GNA14: variants seen among roughly 807,000 people sequenced by gnomAD.
GNA14 encodes G protein subunit alpha 14, also known as guanine nucleotide-binding protein subunit alpha-14.
In GNA14, 50 loss-of-function variants were observed where a neutral mutation model predicts 42.0. That is an observed-to-expected ratio of 1.19 (90% CI 0.95 to 1.51). The LOEUF is 1.51. Ranked by LOEUF, GNA14 falls within the 40% of genes most tolerant of loss-of-function variation. GNA14 has a pLI of 0.00. For synonymous variants in GNA14, 173 were observed against 163.1 expected (o/e 1.06, Z -0.46); for missense variants, 473 against 446.2 (o/e 1.06, Z -0.54).
At chr9:77,642,096 A>C (rs2118037046) in intron 1 of GNA14, among the ~76,000 whole-genome samples, 1 of 152,366 alleles carries the variant, frequency 6.6e-6, no homozygotes, top group Admixed American at 6.5e-5. Flanking sequence ...GGATGATGGA[A>C]GTGTTTATAG....
chr9:77,460,355 C>G (rs534843810), intron 2 of GNA14, among the ~76,000 whole-genome samples: 1 of 152,354 alleles, frequency 6.6e-6, no homozygotes, highest in South Asian at 2.1e-4. Flanking sequence ...CGGCCACCAG[C>G]AGCAGCTGGG....
At chr9:77,635,908 T>A (rs1824177469) in intron 1 of GNA14, among the ~76,000 whole-genome samples, 2 of 152,222 alleles carry the variant, frequency 1.3e-5, no homozygotes, top group African/African-American at 4.8e-5. Flanking sequence ...TCTCAAACAC[T>A]GTAGGAAGGA....
chr9:77,478,074 T>C (rs1026522295), intron 2 of GNA14, among the ~76,000 whole-genome samples: 1 of 151,672 alleles, frequency 6.6e-6, no homozygotes, highest in Non-Finnish European at 1.5e-5. Flanking sequence ...ATATGCATAA[T>C]GTGCAGGGTT....
rs1335752601 is a variant in GNA14 at position 77,434,537 on chromosome 9, G to A, written c.310-15C>T. ...TGGGCATTTTCCTACTCAAAGGAAA[G>A]AGAACCTTGCATCAGGCAAAGGAAA... is the stretch of plus-strand genomic sequence containing the variant. On this transcript the variant is annotated splice_polypyrimidine_tract_variant and intron_variant, in intron 2 of 6. Transcript: ENST00000341700. The A allele has an allele frequency of 1.9e-6, 3 of 1,609,652 alleles. No homozygotes were observed. The highest frequency in any genetic ancestry group is 1.7e-5 in the Admixed American group (1 of 59,508).
chr9:77,599,194 T>A (rs2117909839), intron 1 of GNA14, among the ~76,000 whole-genome samples: 1 of 152,294 alleles, frequency 6.6e-6, no homozygotes. Context: ...AGATGTAAAG[T>A]AAGGAAACAG....
At chr9:77,516,753 A>C in intron 2 of GNA14, among the ~76,000 whole-genome samples, 1 of 152,142 alleles carries the variant, frequency 6.6e-6, no homozygotes. Flanking sequence ...GGGCAGGGGA[A>C]TGTAACACAG....
At chr9:77,508,875 G>A (rs1837114615) in intron 2 of GNA14, among the ~76,000 whole-genome samples, 1 of 152,180 alleles carries the variant, frequency 6.6e-6, no homozygotes, top group Admixed American at 6.5e-5. Context: ...GCATCAAGGA[G>A]TATAATTTCT....
At chr9:77,574,758 C>A (rs1823104505) in intron 1 of GNA14, among the ~76,000 whole-genome samples, 1 of 152,174 alleles carries the variant, frequency 6.6e-6, no homozygotes, top group African/African-American at 2.4e-5. Flanking sequence ...AGGCAGGCAA[C>A]CTTCCTCCAT....
At chr9:77,537,201 C>G (rs1279298527) in intron 1 of GNA14, among the ~76,000 whole-genome samples, 1 of 152,108 alleles carries the variant, frequency 6.6e-6, no homozygotes, top group Non-Finnish European at 1.5e-5. Context: ...TGCTTGTACC[C>G]ACTAATCAAC....
intron 2 of GNA14, among the ~76,000 whole-genome samples, chr9:77,503,297 C>T (rs926295020): frequency 1.3e-5 from 2 of 152,074 alleles, no homozygotes; most frequent in African/African-American, 4.8e-5. Flanking sequence ...TTGTAATGCA[C>T]ATCAGTCTTT....
intron 2 of GNA14, among the ~76,000 whole-genome samples, chr9:77,491,572 T>TTACA (rs1217343431): frequency 6.6e-6 from 1 of 152,128 alleles, no homozygotes; most frequent in Middle Eastern, 3.2e-3. Flanking sequence ...AAATAATTAA[T>TTACA]TACATAATGA....
At chr9:77,544,696 G>T (rs1203251961) in intron 1 of GNA14, among the ~76,000 whole-genome samples, 1 of 150,072 alleles carries the variant, frequency 6.7e-6, no homozygotes, top group Non-Finnish European at 1.5e-5. Flanking sequence ...AAAAAAGAAG[G>T]TTCATGGGTT....
chr9:77,476,833 G>A (rs545252846), intron 2 of GNA14, among the ~76,000 whole-genome samples: 1 of 152,154 alleles, frequency 6.6e-6, no homozygotes, highest in South Asian at 2.1e-4. Flanking sequence ...GAAGTCAGTG[G>A]GTTCATACCT....
chr9:77,577,675 ACT>A (rs1823149739), intron 1 of GNA14, among the ~76,000 whole-genome samples: 1 of 152,146 alleles, frequency 6.6e-6, no homozygotes, highest in Non-Finnish European at 1.5e-5. Context: ...CAGATTAAAC[ACT>A]CTGAGAATCT....
chr9:77,488,310 A>C (rs372981815), intron 2 of GNA14, among the ~76,000 whole-genome samples: 17 of 152,298 alleles, frequency 1.1e-4, no homozygotes, highest in African/African-American at 4.1e-4. Flanking sequence ...TCTACACTGG[A>C]AAGAGTAAAA....
intron 1 of GNA14, among the ~76,000 whole-genome samples, chr9:77,566,544 G>C (rs1822970947): frequency 6.6e-6 from 1 of 152,070 alleles, no homozygotes; most frequent in African/African-American, 2.4e-5. Flanking sequence ...CCTTCAGAGT[G>C]GATATGCCAG....
At chr9:77,477,546 C>T (rs1199954598) in intron 2 of GNA14, among the ~76,000 whole-genome samples, 1 of 152,074 alleles carries the variant, frequency 6.6e-6, no homozygotes, top group African/African-American at 2.4e-5. Context: ...CATAATAGGC[C>T]ACCATCTAAT....
chr9:77,480,074 C>T (rs527293984), intron 2 of GNA14, among the ~76,000 whole-genome samples: 256 of 152,288 alleles, frequency 1.7e-3, no homozygotes, highest in African/African-American at 5.8e-3. Flanking sequence ...CTGGCCAGAA[C>T]TTCCAACACT....
chr9:77,428,708 G>T (rs1835494137), intron 5 of GNA14, among the ~76,000 whole-genome samples, 199 bp downstream of exon 5: 1 of 152,294 alleles, frequency 6.6e-6, no homozygotes, highest in Non-Finnish European at 1.5e-5. Context: ...GATGTAGTTG[G>T]TCGGGGTTGA....
Sources: allele counts gnomAD v4.1 joint callset (sites outside exome capture counted in the v4.1 genomes callset), GRCh38; gene constraint gnomAD v4.1.1; transcripts MANE v1.5; gene names NCBI Gene and HGNC (gene_info 2026-07-23, HGNC 2026-07-21).